The following PIWIL4 variants were observed in gnomAD, a reference collection of about 807,000 sequenced individuals.
PIWIL4 encodes the protein piwi-like protein 4.
In PIWIL4, 50 loss-of-function variants were observed where a neutral mutation model predicts 100.9. The observed-to-expected ratio is 0.50, with a 90% CI of 0.39 to 0.63. The LOEUF is 0.63. Among genes scored for constraint, PIWIL4 ranks in the 20% least tolerant of loss-of-function variants. PIWIL4 has a pLI of 0.00. For synonymous variants in PIWIL4, 342 were observed against 367.5 expected (o/e 0.93, Z 0.79); for missense variants, 887 against 1,043.3 (o/e 0.85, Z 2.06).
intron 11 of PIWIL4, among the ~76,000 whole-genome samples, chr11:94,598,357 T>C (rs1254411591): frequency 6.6e-6 from 1 of 152,180 alleles, no homozygotes; most frequent in African/African-American, 2.4e-5. Flanking sequence ...TGTATGTTAA[T>C]CTTTCGAAAT....
intron 15 of PIWIL4, among the ~76,000 whole-genome samples, chr11:94,612,317 T>G (rs78181556): frequency 0.04 from 871 of 21,616 alleles, 6 homozygotes; most frequent in Middle Eastern, 0.13. Flanking sequence ...TTTGTGAGGT[T>G]TTTTTTTTTT....
Position 94,621,070 on chromosome 11 carries a change from C to A in PIWIL4, c.*78C>A. ...ACTTTGTGCAAATCTGCCATAAGCT[C>A]AAGGCTGTGACTGGGGAAAAAGATT... On this transcript the variant is annotated 3_prime_UTR_variant, in exon 20 of 20. Transcript: ENST00000299001. 1 of 1,015,036 alleles carries A rather than the reference C, an allele frequency of 9.9e-7. No individual in the cohort carries two copies. The highest frequency in any genetic ancestry group is 1.5e-5 in the South Asian group (1 of 65,428). 62.9% of individuals were successfully genotyped at this position (1,015,036 alleles called of 1,614,324 possible).
intron 10 of PIWIL4, among the ~76,000 whole-genome samples, chr11:94,597,337 G>A (rs568972709): frequency 3.9e-5 from 6 of 152,164 alleles, no homozygotes; most frequent in Non-Finnish European, 8.8e-5. Context: ...TTATTAACGA[G>A]TGTGTTATCA....
intron 15 of PIWIL4, among the ~76,000 whole-genome samples, chr11:94,611,914 A>T (rs1948791498): frequency 6.7e-6 from 1 of 150,300 alleles, no homozygotes. Flanking sequence ...GTGTTTCTTT[A>T]TAGCAATACA....
chr11:94,605,035 C>T (rs1269993286), intron 13 of PIWIL4, among the ~76,000 whole-genome samples: 1 of 152,180 alleles, frequency 6.6e-6, no homozygotes, highest in Admixed American at 6.5e-5. Context: ...ACCATATTTG[C>T]TTTATTATTT....
intron 11 of PIWIL4, among the ~76,000 whole-genome samples, chr11:94,598,961 G>A (rs2135278745): frequency 6.6e-6 from 1 of 152,254 alleles, no homozygotes; most frequent in Admixed American, 6.5e-5. Context: ...TCCCACCTCA[G>A]CCTCTCAAAG....
intron 13 of PIWIL4, among the ~76,000 whole-genome samples, chr11:94,606,156 C>T (rs1273505712): frequency 6.6e-6 from 1 of 152,164 alleles, no homozygotes; most frequent in Non-Finnish European, 1.5e-5. Context: ...CCCCGCATAC[C>T]TGCTTACTTG....
chr11:94,576,445 C>A (rs1305454614), intron 3 of PIWIL4, among the ~76,000 whole-genome samples: 1 of 152,130 alleles, frequency 6.6e-6, no homozygotes, highest in Non-Finnish European at 1.5e-5. Flanking sequence ...CTATATCATT[C>A]TTTTCTATAA....
At position 94,616,496 on chromosome 11, in the gene PIWIL4, G is replaced by A; in HGVS notation, c.1947G>A (p.Trp649Ter). The A allele has an allele frequency of 1.9e-6, 3 of 1,594,522 alleles. No individual in the cohort carries two copies. In the African/African-American group the frequency reaches 4.1e-5, roughly 22 times the overall value. ...VASVNPRITRWFSRCILQRTM... is the reference protein window; with the variant it reads ...VASVNPRITR ...TTATTTTTTTTTTTAACTTTAGGTG[G>A]TTTTCCCGCTGTATCCTTCAGAGAA... The change falls in exon 16 of 20, where the codon TGG becomes TGA. Residue 649 changes from tryptophan to a stop codon, truncating the protein, a stop_gained. Transcript: ENST00000299001. LOFTEE classifies it high-confidence loss of function.
At chr11:94,570,833 A>G (rs1490450582) in intron 2 of PIWIL4, among the ~76,000 whole-genome samples, 1 of 152,176 alleles carries the variant, frequency 6.6e-6, no homozygotes, top group Non-Finnish European at 1.5e-5. Context: ...TGGCGGTTGC[A>G]GTAAACCGAG....
Position 94,587,206 on chromosome 11 carries a change from G to T in PIWIL4, c.873G>T (p.Gln291His), listed in dbSNP as rs1320122210. Residue 291 changes from glutamine to histidine, a missense_variant, in exon 7 of 20, where the codon CAG becomes CAT. Gln to His is a conservative substitution (Grantham distance 24, BLOSUM62 0). Transcript: ENST00000299001. Reference protein sequence around the residue: ...CQRTGLSCFTQTCEKQLIGLI... With the variant: ...CQRTGLSCFTHTCEKQLIGLI... ...GAACTGGCTTGTCCTGTTTCACCCA[G>T]ACGTGTGAGAAGCAGCTAATAGGGC... is the stretch of plus-strand genomic sequence containing the variant. 1 of 1,614,184 alleles carries T rather than the reference G, an allele frequency of 6.2e-7. No homozygotes were observed. Among genetic ancestry groups the T allele is most frequent in the Admixed American group, 1.7e-5 (1 of 60,018 alleles).
chr11:94,581,663 G>C (rs752973104), intron 4 of PIWIL4, among the ~76,000 whole-genome samples: 1 of 152,206 alleles, frequency 6.6e-6, no homozygotes, highest in Non-Finnish European at 1.5e-5. Context: ...GAGTAGTAAA[G>C]TGCCACTGAA....
At chr11:94,598,602 G>A (rs1340118222) in intron 11 of PIWIL4, among the ~76,000 whole-genome samples, 1 of 151,816 alleles carries the variant, frequency 6.6e-6, no homozygotes, top group African/African-American at 2.4e-5. Context: ...ATGTTTAAAG[G>A]CTCTCTTCTT....
chr11:94,619,618 G>A lies in PIWIL4; in HGVS notation c.2169-142G>A, dbSNP rs1948884633. 6.3e-6 allele frequency: 6 copies of A among 955,630 alleles called. No individual in the cohort carries two copies. The South Asian group carries it at 1.1e-4, about 18-fold the overall frequency. The allele number at this position is 955,630 out of a possible 1,614,324, so 59.2% of individuals were successfully genotyped here. On this transcript the variant is annotated intron_variant, in intron 17 of 19. Transcript: ENST00000299001. Reference sequence around the variant, plus strand: ...TTGTATGTATCTCTAGGGAAGGAGGGATTGTAGGTAATTTTTATTTTCTGT... The same window carrying A: ...TTGTATGTATCTCTAGGGAAGGAGGAATTGTAGGTAATTTTTATTTTCTGT...
At chr11:94,612,554 T>C (rs765491815) in intron 15 of PIWIL4, among the ~76,000 whole-genome samples, 12 of 152,178 alleles carry the variant, frequency 7.9e-5, no homozygotes, top group Non-Finnish European at 1.3e-4. Flanking sequence ...AAAATATTGA[T>C]AAGTGATGAC....
chr11:94,587,038 T>C lies in PIWIL4; in HGVS notation c.717-12T>C. The C allele has an allele frequency of 6.3e-7, 1 of 1,589,434 alleles. No individual in the cohort carries two copies. The highest frequency in any genetic ancestry group is 8.6e-7 in the Non-Finnish European group (1 of 1,161,776). Reference sequence around the variant, plus strand: ...TTGACAATATTCCTTTTTTTCTTTTTTGTTTTTAAAGATTATCCCTTTGGC... The same window carrying C: ...TTGACAATATTCCTTTTTTTCTTTTCTGTTTTTAAAGATTATCCCTTTGGC... On this transcript the variant is annotated splice_polypyrimidine_tract_variant and intron_variant, in intron 6 of 19. Transcript: ENST00000299001.
intron 8 of PIWIL4, among the ~76,000 whole-genome samples, chr11:94,590,587 C>T (rs139949050): frequency 1.9e-4 from 29 of 152,308 alleles, no homozygotes; most frequent in African/African-American, 6.5e-4. Context: ...CTGCAGGCAT[C>T]TCAAACTAAT....
In PIWIL4 at chr11:94,600,773, G is replaced by C. The variant is rs915752117; in HGVS notation, c.1381-1022G>C. 2.0e-5 allele frequency among the ~76,000 whole-genome samples: 3 copies of C among 151,330 alleles called. No individual in the cohort carries two copies. The East Asian group carries it at 5.8e-4, about 29-fold the overall frequency. On this transcript the variant is annotated intron_variant, in intron 11 of 19. Coordinates refer to ENST00000299001, the MANE Select transcript of PIWIL4 (RefSeq NM_152431.3). The stretch of plus-strand genomic sequence containing the variant: ...GACCATAAAAGACAGCCACGCCCAG[G>C]GGGGCCAGTTCAGAGACCTACTCCC...
rs538619031 is a variant in PIWIL4 at position 94,621,212 on chromosome 11, A to G, written c.*220A>G. 1.7e-5 allele frequency: 8 copies of G among 471,710 alleles called. No homozygotes were observed. The highest frequency in any genetic ancestry group is 7.3e-5 in the Admixed American group (2 of 27,322). The allele number at this position is 471,710 out of a possible 1,614,324, so 29.2% of individuals were successfully genotyped here. ...ATGCTTGGGGTAAATTTTCATTGTC[A>G]TATGTGGAATTTAAATATACCATCA... On this transcript the variant is annotated 3_prime_UTR_variant, in exon 20 of 20. Transcript: ENST00000299001.
Sources: gnomAD v4.1 joint callset for allele counts (sites outside exome capture counted in the v4.1 genomes callset) on GRCh38, gnomAD v4.1.1 for gene constraint, MANE v1.5 for transcripts, NCBI Gene and HGNC (gene_info 2026-07-23, HGNC 2026-07-21) for gene names.